EMSY: variants seen among roughly 807,000 people sequenced by gnomAD.
The protein encoded by EMSY is EMSY transcriptional repressor, BRCA2 interacting.
A neutral mutation model predicts 134.6 loss-of-function variants in EMSY; 26 were observed. The observed-to-expected ratio is 0.19, with a 90% CI of 0.14 to 0.27. The LOEUF is 0.27. Among genes scored for constraint, EMSY ranks in the 10% least tolerant of loss-of-function variants. The probability of loss-of-function intolerance (pLI) is 1.00; values close to 1 mark genes in which losing one functional copy is unlikely to be tolerated. For synonymous variants in EMSY, 579 were observed against 577.8 expected (o/e 1.00, Z -0.03); for missense variants, 1,305 against 1,611.4 (o/e 0.81, Z 3.26).
chr11:76,485,601 G>T (rs569827289), intron 8 of EMSY, among the ~76,000 whole-genome samples: 2 of 152,232 alleles, frequency 1.3e-5, no homozygotes, highest in South Asian at 2.1e-4. Flanking sequence ...TACTGAATGG[G>T]CAAAAGCTGG....
chr11:76,528,587 T>A, intron 14 of EMSY, 121 bp downstream of exon 15: 4 of 307,886 alleles, frequency 1.3e-5, no homozygotes, highest in South Asian at 8.2e-5. Flanking sequence ...TTCTTTTCCT[T>A]TTTTTTTTTT....
chr11:76,502,649 A>C (rs1949919092), intron 9 of EMSY, among the ~76,000 whole-genome samples: 1 of 152,088 alleles, frequency 6.6e-6, no homozygotes, highest in Non-Finnish European at 1.5e-5. Flanking sequence ...AAAATCTATA[A>C]ATTAGCAATA....
At chr11:76,456,113 A>G (rs552756044) in intron 4 of EMSY, among the ~76,000 whole-genome samples, 7 of 152,196 alleles carry the variant, frequency 4.6e-5, no homozygotes, top group African/African-American at 1.7e-4. Flanking sequence ...TACTCACACT[A>G]AAGTATCTCA....
intron 20 of EMSY, among the ~76,000 whole-genome samples, chr11:76,548,148 A>G (rs1951718142): frequency 6.6e-6 from 1 of 152,152 alleles, no homozygotes; most frequent in African/African-American, 2.4e-5. Context: ...GTGTAGAGCA[A>G]TGCTCAATAA....
intron 7 of EMSY, among the ~76,000 whole-genome samples, chr11:76,464,718 G>A (rs187615147): frequency 3.7e-4 from 56 of 152,158 alleles, no homozygotes; most frequent in African/African-American, 1.3e-3. Flanking sequence ...TTCTTTGTTA[G>A]TTTCTTTGCT....
chr11:76,528,587 T>C (rs1055942691), intron 14 of EMSY, 121 bp downstream of exon 15: 2 of 307,890 alleles, frequency 6.5e-6, no homozygotes, highest in African/African-American at 2.3e-5. Flanking sequence ...TTCTTTTCCT[T>C]TTTTTTTTTT....
chr11:76,463,645 A>G (rs1255052415), intron 6 of EMSY, among the ~76,000 whole-genome samples, 176 bp from the exon 8 acceptor site: 2 of 151,780 alleles, frequency 1.3e-5, no homozygotes, highest in East Asian at 1.9e-4. Context: ...AAAAAAAAAA[A>G]AAAGAAAGGA....
At chr11:76,480,317 A>C (rs1414752696) in intron 8 of EMSY, among the ~76,000 whole-genome samples, 1 of 152,198 alleles carries the variant, frequency 6.6e-6, no homozygotes, top group Non-Finnish European at 1.5e-5. Context: ...TTAAGGAGTG[A>C]ATTTCTTACC....
At chr11:76,548,608 C>T (rs979130946) in intron 20 of EMSY, among the ~76,000 whole-genome samples, 2 of 152,190 alleles carry the variant, frequency 1.3e-5, no homozygotes, top group African/African-American at 4.8e-5. Context: ...GAGTGACTTA[C>T]TCAGAGGCCC....
intron 9 of EMSY, among the ~76,000 whole-genome samples, chr11:76,505,641 A>G (rs2135987224): frequency 6.6e-6 from 1 of 150,932 alleles, no homozygotes; most frequent in Middle Eastern, 3.4e-3. Context: ...GTGGATCACG[A>G]GGTCAAGAGA....
At chr11:76,515,190 G>C (rs1228687917) in intron 10 of EMSY, among the ~76,000 whole-genome samples, 1 of 140,198 alleles carries the variant, frequency 7.1e-6, no homozygotes, top group African/African-American at 2.7e-5. Flanking sequence ...TGAATAACTT[G>C]GTAAAAGCAT....
chr11:76,451,285 C>T (rs901832055), intron 2 of EMSY, among the ~76,000 whole-genome samples: 2 of 152,044 alleles, frequency 1.3e-5, no homozygotes, highest in Admixed American at 6.5e-5. Context: ...CTACAAAGTC[C>T]CTTCTAGGTA....
At chr11:76,447,671 T>A (rs992313669) in intron 2 of EMSY, among the ~76,000 whole-genome samples, 1 of 152,254 alleles carries the variant, frequency 6.6e-6, no homozygotes, top group Non-Finnish European at 1.5e-5. Context: ...ATCCATTGTA[T>A]GTAAAGAACT....
At chr11:76,446,118 A>G (rs1258809282) in intron 1 of EMSY, among the ~76,000 whole-genome samples, 3 of 151,788 alleles carry the variant, frequency 2.0e-5, no homozygotes, top group Non-Finnish European at 2.9e-5. Context: ...CCATTTAACA[A>G]ATACTTAGAG....
chr11:76,463,172 C>T (rs1161992774), intron 6 of EMSY, among the ~76,000 whole-genome samples: 1 of 151,838 alleles, frequency 6.6e-6, no homozygotes, highest in Non-Finnish European at 1.5e-5. Context: ...TAAAAATTAG[C>T]TGACTGTGGT....
chr11:76,446,570 A>G (rs1565263482), intron 1 of EMSY, among the ~76,000 whole-genome samples: 1 of 152,124 alleles, frequency 6.6e-6, no homozygotes, highest in Non-Finnish European at 1.5e-5. Flanking sequence ...AACTTTATAT[A>G]TAGTGTTCTT....
At chr11:76,449,052 A>G (rs1793811631) in intron 2 of EMSY, among the ~76,000 whole-genome samples, 1 of 152,122 alleles carries the variant, frequency 6.6e-6, no homozygotes, top group Admixed American at 6.5e-5. Flanking sequence ...GTGTATTTGA[A>G]TGGCTGATTT....
chr11:76,536,158 A>T, intron 15 of EMSY, 99 bp downstream of exon 16: 1 of 743,964 alleles, frequency 1.3e-6, no homozygotes, highest in Non-Finnish European at 1.8e-6. Flanking sequence ...ACTATTATTT[A>T]TTATTATTAT....
intron 12 of EMSY, among the ~76,000 whole-genome samples, chr11:76,524,691 C>T (rs1327692199): frequency 6.6e-6 from 1 of 152,166 alleles, no homozygotes; most frequent in African/African-American, 2.4e-5. Context: ...AACCGTTTGA[C>T]ACAGGCAGCT....
Sources: allele counts gnomAD v4.1 joint callset (sites outside exome capture counted in the v4.1 genomes callset), GRCh38; gene constraint gnomAD v4.1.1; transcripts MANE v1.5; gene names NCBI Gene and HGNC (gene_info 2026-07-23, HGNC 2026-07-21).